Variants in LAMA4 observed in about 807,000 individuals in gnomAD.
The protein encoded by LAMA4 is laminin subunit alpha-4.
In LAMA4, 127 loss-of-function variants were observed where a neutral mutation model predicts 207.1. The observed-to-expected ratio is 0.61, with a 90% confidence interval of 0.53 to 0.71. The LOEUF (loss-of-function observed/expected upper bound fraction) is 0.71. Among genes scored for constraint, LAMA4 ranks in the 30% least tolerant of loss-of-function variants. LAMA4 has a pLI of 0.00. For synonymous variants in LAMA4, 761 were observed against 816.0 expected, an observed-to-expected ratio of 0.93 and a Z score of 1.15; for missense variants, 2,093 against 2,246.5, an observed-to-expected ratio of 0.93 and a Z score of 1.38.
At chr6:112,121,695 A>G (rs1027895303) in intron 32 of LAMA4, 19 of 343,384 alleles carry the variant, frequency 5.5e-5, no homozygotes, top group Non-Finnish European at 1.0e-4. Flanking sequence ...TGTATGGGAG[A>G]GGGAGGGGGA....
intron 9 of LAMA4, chr6:112,179,995 C>T (rs534156498): frequency 2.0e-6 from 1 of 510,686 alleles, no homozygotes; most frequent in Non-Finnish European, 4.0e-6. Context: ...ATTAAATATG[C>T]AGAAACTATA....
chr6:112,249,288 G>A (rs570111500), intron 2 of LAMA4, among the ~76,000 whole-genome samples: 15 of 151,674 alleles, frequency 9.9e-5, no homozygotes, highest in South Asian at 8.4e-4. Context: ...ACTAAAATAC[G>A]AAAAATTAGT....
In LAMA4 at chr6:112,201,697, G is replaced by A; in HGVS notation, c.423-9C>T. 6.2e-7 allele frequency: 1 copy of A among 1,611,780 alleles called. No homozygotes were observed. Among genetic ancestry groups the A allele is most frequent in the Non-Finnish European group, 8.5e-7 (1 of 1,178,010 alleles). On this transcript the variant is annotated splice_polypyrimidine_tract_variant and intron_variant, in intron 4 of 38. Coordinates refer to ENST00000230538, the MANE Select transcript of LAMA4 (RefSeq NM_001105206.3). The stretch of plus-strand genomic sequence containing the variant: ...AGCAGGATTCTGCAAAACTAAAATT[G>A]GAAGCAAATATTGGAAGTCAATTCC...
At chr6:112,209,918 G>T (rs1486800556) in intron 3 of LAMA4, among the ~76,000 whole-genome samples, 5 of 152,122 alleles carry the variant, frequency 3.3e-5, no homozygotes, top group South Asian at 2.1e-4. Flanking sequence ...CATGAGGGTT[G>T]TTTCTAATGG....
intron 3 of LAMA4, among the ~76,000 whole-genome samples, chr6:112,211,294 A>G (rs1784344328): frequency 6.6e-6 from 1 of 152,208 alleles, no homozygotes; most frequent in Admixed American, 6.5e-5. Flanking sequence ...TTTCTAGCAT[A>G]AGACAGTACA....
chr6:112,177,212 T>C (rs1210102945), intron 10 of LAMA4, among the ~76,000 whole-genome samples: 14 of 152,210 alleles, frequency 9.2e-5, no homozygotes, highest in Admixed American at 7.9e-4. Flanking sequence ...TTGCTTTTAT[T>C]GTTTATAATA....
intron 16 of LAMA4, among the ~76,000 whole-genome samples, chr6:112,154,480 G>A (rs1583737075): frequency 6.6e-6 from 1 of 151,918 alleles, no homozygotes; most frequent in Admixed American, 6.6e-5. Context: ...CTTCGAAATT[G>A]TTCAAGAAAG....
intron 6 of LAMA4, among the ~76,000 whole-genome samples, chr6:112,190,947 C>CTTTCCTTTCTTTCTTTCTTTCTTT (rs1491586717): frequency 1.2e-4 from 5 of 40,498 alleles, no homozygotes; most frequent in East Asian, 7.0e-4. Context: ...TTCTTTCTTT[C>CTTTCCTTTCTTTCTTTCTTTCTTT]CTTTCTTTCT....
intron 20 of LAMA4, among the ~76,000 whole-genome samples, chr6:112,141,896 G>A (rs1430171841): frequency 3.3e-5 from 5 of 152,182 alleles, no homozygotes; most frequent in Admixed American, 1.3e-4. Flanking sequence ...ATCAAAGTTA[G>A]TAGTGTGATG....
intron 3 of LAMA4, chr6:112,214,016 TGA>T (rs1554357727): frequency 1.3e-6 from 1 of 763,946 alleles, no homozygotes; most frequent in Non-Finnish European, 2.4e-6. Flanking sequence ...CCCTGAGAGC[TGA>T]GAATGAACGA....
At position 112,148,239 on chromosome 6, in the gene LAMA4, G is replaced by C. The variant is rs782745014; in HGVS notation, c.2271C>G (p.Asn757Lys). 1 of 1,614,204 alleles carries C rather than the reference G, an allele frequency of 6.2e-7. No homozygotes were observed. The highest frequency in any genetic ancestry group is 1.1e-5 in the South Asian group (1 of 91,086). ...EVQQATAPMANNLTNWSQNLQ... is the reference protein window; with the variant it reads ...EVQQATAPMAKNLTNWSQNLQ... ...GATTCTGTGACCAGTTGGTTAGATT[G>C]TTGGCCATGGGGGCAGTGGCCTGCT... Residue 757 changes from asparagine (N) to lysine (K), a missense_variant, in exon 18 of 39, where the codon AAC becomes AAG. This residue lies in a region of LAMA4 where 1,704 missense variants were observed against 1,788.4 expected (regional missense o/e 0.95). Transcript: ENST00000230538.
At chr6:112,164,424 C>G (rs1369789378) in intron 13 of LAMA4, among the ~76,000 whole-genome samples, 1 of 151,806 alleles carries the variant, frequency 6.6e-6, no homozygotes, top group Non-Finnish European at 1.5e-5. Context: ...CTGGGTATGG[C>G]CATAGGTGGG....
In LAMA4 at chr6:112,148,246, A is replaced by G. The variant is rs1780154647; in HGVS notation, c.2264T>C (p.Met755Thr). ...TGACCAGTTGGTTAGATTGTTGGCC[A>G]TGGGGGCAGTGGCCTGCTGCACCTC... ...TMEVQQATAP[M>T]ANNLTNWSQN... is the part of the protein sequence containing the mutation. The change falls in exon 18 of 39, where the codon ATG becomes ACG. Residue 755 changes from methionine to threonine, a missense_variant. Transcript: ENST00000230538. 1.2e-6 allele frequency: 2 copies of G among 1,614,102 alleles called. No homozygotes were observed. The highest frequency in any genetic ancestry group is 1.7e-6 in the Non-Finnish European group (2 of 1,180,028).
At chr6:112,239,439 G>A (rs1786213814) in intron 2 of LAMA4, among the ~76,000 whole-genome samples, 1 of 151,008 alleles carries the variant, frequency 6.6e-6, no homozygotes, top group Admixed American at 6.6e-5. Flanking sequence ...GACTAATAAA[G>A]AAGGAAAAAC....
chr6:112,235,026 G>T (rs975039576), intron 2 of LAMA4, among the ~76,000 whole-genome samples: 6 of 152,162 alleles, frequency 3.9e-5, no homozygotes, highest in Non-Finnish European at 4.4e-5. Flanking sequence ...ACCATACTGA[G>T]GATCCTCCTG....
chr6:112,157,302 C>G (rs1327980379), intron 14 of LAMA4, among the ~76,000 whole-genome samples: 3 of 139,810 alleles, frequency 2.1e-5, no homozygotes, highest in African/African-American at 8.5e-5. Flanking sequence ...GAAACAAAGC[C>G]TTTATTACTT....
chr6:112,201,663 T>A lies in LAMA4; in HGVS notation c.448A>T (p.Asn150Tyr), dbSNP rs782307659. The A allele has an allele frequency of 1.2e-6, 2 of 1,613,940 alleles. No individual in the cohort carries two copies. The highest frequency in any genetic ancestry group is 2.2e-5 in the South Asian group (2 of 91,078). Residue 150 changes from asparagine (N) to tyrosine (Y), a missense_variant, in exon 5 of 39, where the codon AAT becomes TAT. Asn to Tyr is a moderately radical substitution (Grantham distance 143, BLOSUM62 -2). This residue lies in a region of LAMA4 where 1,704 missense variants were observed against 1,788.4 expected (regional missense o/e 0.95). Coordinates refer to ENST00000230538, the MANE Select transcript of LAMA4 (RefSeq NM_001105206.3). The stretch of plus-strand genomic sequence containing the variant: ...TTACAAATGCACCGAACAGCTCCAT[T>A]TTTCCTATAGCAGGATTCTGCAAAA... ...ANFAESCYRK[N>Y]GAVRCICNEN... is the part of the protein sequence containing the mutation.
chr6:112,178,097 T>G (rs373916770), intron 10 of LAMA4, 24 bp downstream of exon 10: 14 of 1,495,446 alleles, frequency 9.4e-6, no homozygotes, highest in Middle Eastern at 1.7e-4. Context: ...GATATTAAAC[T>G]GAACCAGAAG....
At chr6:112,191,973 G>T in intron 5 of LAMA4, 123 bp from the exon 6 acceptor site, 3 of 842,306 alleles carry the variant, frequency 3.6e-6, no homozygotes, top group Admixed American at 2.0e-5. Context: ...GAATTCATTT[G>T]CACTCTCTCA....
Sources: allele counts gnomAD v4.1 joint callset (sites outside exome capture counted in the v4.1 genomes callset), GRCh38; gene constraint gnomAD v4.1.1; regional missense constraint gnomAD v4.1.1; transcripts MANE v1.5; gene names NCBI Gene and HGNC (gene_info 2026-07-23, HGNC 2026-07-21).